TENM1: variants seen among roughly 807,000 people sequenced by gnomAD.
TENM1 encodes the protein teneurin-1.
In TENM1, 35 loss-of-function variants were observed where a neutral mutation model predicts 174.8. The ratio of observed to expected loss-of-function variants is 0.20; its 90% CI spans 0.15 to 0.27. The LOEUF (loss-of-function observed/expected upper bound fraction) is 0.27. Among genes scored for constraint, TENM1 ranks in the 10% least tolerant of loss-of-function variants. The probability of loss-of-function intolerance (pLI) is 1.00; values close to 1 mark genes in which losing one functional copy is unlikely to be tolerated. For missense variants in TENM1, 1,633 were observed against 2,130.1 expected (o/e 0.77, Z 4.59); for synonymous variants, 781 against 798.7 (o/e 0.98, Z 0.37).
At chrX:124,904,051 ATGGGTGCGTGTG>A (rs201549442) in intron 1 of TENM1, among the ~76,000 whole-genome samples, 1,533 of 110,739 alleles carry the variant, frequency 0.014, 21 homozygotes, top group African/African-American at 0.048. Context: ...TTTTTGGTCA[ATGGGTGCGTGTG>A]TGTGTGCGTG....
At chrX:125,034,334 C>T in the TENM1 span, among the ~76,000 whole-genome samples, 2 of 111,789 alleles carry the variant, frequency 1.8e-5, no homozygotes, top group Admixed American at 1.9e-4. Flanking sequence ...CAAAAATTGC[C>T]ATTTGCAAAA....
chrX:124,438,626 G>T (rs2060870149), intron 23 of TENM1, among the ~76,000 whole-genome samples: 1 of 111,868 alleles, frequency 8.9e-6, no homozygotes, highest in African/African-American at 3.2e-5. Flanking sequence ...TTATGTTTTT[G>T]ATATAGCATT....
chrX:125,188,369 AT>A, the TENM1 span, among the ~76,000 whole-genome samples: 1 of 109,598 alleles, frequency 9.1e-6, no homozygotes, highest in Non-Finnish European at 1.9e-5. Flanking sequence ...CTCTAAAAAA[AT>A]AACAAAGGAA....
intron 3 of TENM1, among the ~76,000 whole-genome samples, chrX:124,850,354 A>G (rs1350702016): frequency 9.0e-6 from 1 of 111,331 alleles, no homozygotes; most frequent in Non-Finnish European, 1.9e-5. Flanking sequence ...CCATTCACAT[A>G]ATTTCCTTTT....
chrX:125,060,976 A>C, the TENM1 span, among the ~76,000 whole-genome samples: 1 of 99,535 alleles, frequency 1.0e-5, no homozygotes, highest in Non-Finnish European at 2.0e-5. Context: ...CATGAAATAT[A>C]ATTTTTTCTT....
At chrX:124,809,843 G>GGGGAGAGA (rs1556343852) in intron 3 of TENM1, among the ~76,000 whole-genome samples, 1 of 78,674 alleles carries the variant, frequency 1.3e-5, no homozygotes, top group African/African-American at 5.0e-5. Flanking sequence ...CATGACAGCA[G>GGGGAGAGA]GAGAGAGAGA....
At chrX:124,932,960 G>C (rs957055601) in intron 1 of TENM1, among the ~76,000 whole-genome samples, 3 of 111,596 alleles carry the variant, frequency 2.7e-5, no homozygotes, top group Admixed American at 9.5e-5. Flanking sequence ...AATCAGTACT[G>C]GAATAAAAAA....
Position 124,428,453 on chromosome X carries a change from C to T in TENM1, c.4105-5815G>A, listed in dbSNP as rs1437821610. Among the ~76,000 whole-genome samples the T allele has an allele frequency of 3.7e-4, 41 of 111,964 alleles. 1 individual carries two copies. Among genetic ancestry groups the T allele is most frequent in the Non-Finnish European group, 1.9e-5 (1 of 53,192 alleles). On this transcript the variant is annotated intron_variant, in intron 23 of 31. Coordinates refer to ENST00000422452, the Ensembl canonical transcript of TENM1. The stretch of plus-strand genomic sequence containing the variant: ...GAAAATGTCTAAATTATGTATAAGC[C>T]TAATCCCATACTGTATGCTCAAACC...
chrX:124,759,700 T>A (rs2054360910), intron 3 of TENM1, among the ~76,000 whole-genome samples: 1 of 112,010 alleles, frequency 8.9e-6, no homozygotes, highest in Non-Finnish European at 1.9e-5. Flanking sequence ...ATTTGGAAAA[T>A]TTGGGCTGTG....
At chrX:125,054,875 G>T in the TENM1 span, among the ~76,000 whole-genome samples, 2 of 111,552 alleles carry the variant, frequency 1.8e-5, no homozygotes, top group Non-Finnish European at 3.8e-5. Context: ...GTGTGAGACA[G>T]TTCGGTGGCA....
chrX:124,790,821 T>A (rs2055161841), intron 3 of TENM1, among the ~76,000 whole-genome samples: 1 of 111,428 alleles, frequency 9.0e-6, no homozygotes, highest in African/African-American at 3.3e-5. Context: ...TATATAATAC[T>A]GATTTATAGA....
chrX:124,380,938 C>A, exon 32 of TENM1: 1 of 1,211,504 alleles, frequency 8.3e-7, no homozygotes, highest in Non-Finnish European at 1.1e-6. Context: ...TCCGCCTCCC[C>A]CCAGTGTTAC....
chrX:124,495,592 C>G (rs1475781391), intron 20 of TENM1, among the ~76,000 whole-genome samples: 3 of 110,251 alleles, frequency 2.7e-5, no homozygotes, highest in African/African-American at 1.0e-4. Flanking sequence ...CTTGCCCATG[C>G]CTATGTCCTG....
At chrX:124,424,050 CAA>C (rs1217504438) in intron 23 of TENM1, among the ~76,000 whole-genome samples, 2 of 111,629 alleles carry the variant, frequency 1.8e-5, no homozygotes, top group Non-Finnish European at 3.8e-5. Flanking sequence ...ACCTGCAAGC[CAA>C]AGAGAGACAC....
the TENM1 span, among the ~76,000 whole-genome samples, chrX:125,081,677 A>G: frequency 9.0e-6 from 1 of 111,085 alleles, no homozygotes; most frequent in Non-Finnish European, 1.9e-5. Flanking sequence ...TGAAAAAGAA[A>G]AAGACACCTA....
At chrX:124,592,174 T>C (rs1250319784) in intron 11 of TENM1, among the ~76,000 whole-genome samples, 1 of 112,036 alleles carries the variant, frequency 8.9e-6, no homozygotes, top group Non-Finnish European at 1.9e-5. Flanking sequence ...TTTTCAACCT[T>C]GTCTTGGATC....
intron 11 of TENM1, among the ~76,000 whole-genome samples, chrX:124,590,158 T>A (rs916090191): frequency 8.9e-6 from 1 of 112,115 alleles, no homozygotes; most frequent in African/African-American, 3.2e-5. Flanking sequence ...TGCTTTAATT[T>A]CATTGTTTAC....
At chrX:125,148,053 G>A in the TENM1 span, among the ~76,000 whole-genome samples, 3 of 110,908 alleles carry the variant, frequency 2.7e-5, no homozygotes, top group Non-Finnish European at 5.7e-5. Context: ...CGCATCAGAG[G>A]AAGAAATGTC....
intron 11 of TENM1, among the ~76,000 whole-genome samples, chrX:124,570,152 A>C (rs1250400138): frequency 9.0e-6 from 1 of 111,656 alleles, no homozygotes; most frequent in African/African-American, 3.2e-5. Flanking sequence ...CAACTTAATA[A>C]ACTACAAGAA....
Sources: allele counts gnomAD v4.1 joint callset (sites outside exome capture counted in the v4.1 genomes callset), GRCh38; gene constraint gnomAD v4.1.1; transcripts MANE v1.5; gene names NCBI Gene and HGNC (gene_info 2026-07-23, HGNC 2026-07-21).